Variants in COL25A1 observed in about 807,000 individuals in gnomAD.
COL25A1 encodes the protein collagen alpha-1(XXV) chain.
Under a neutral mutation model 128.4 loss-of-function variants are expected in COL25A1, and 103 were observed. The ratio of observed to expected loss-of-function variants is 0.80; its 90% confidence interval spans 0.68 to 0.94. The LOEUF (loss-of-function observed/expected upper bound fraction) is 0.94. Ranked by LOEUF, COL25A1 falls within the 40% of genes least tolerant of loss-of-function variation. The pLI, the probability that COL25A1 is intolerant of heterozygous loss-of-function variation, is 0.00. For synonymous variants in COL25A1, 279 were observed against 277.2 expected (o/e 1.01, Z -0.06); for missense variants, 745 against 840.0 (o/e 0.89, Z 1.40).
At chr4:108,863,234 C>T (rs1341902422) in intron 21 of COL25A1, 85 bp downstream of exon 21, 5 of 1,282,540 alleles carry the variant, frequency 3.9e-6, no homozygotes, top group Non-Finnish European at 5.6e-6. Context: ...GTTTTAATAC[C>T]TGTTAAGAAT....
Position 108,836,355 on chromosome 4 carries a change from A to G in COL25A1, c.1657-3922T>C, listed in dbSNP as rs1352021247. Among the ~76,000 whole-genome samples the G allele has an allele frequency of 3.9e-5, 6 of 152,142 alleles. No individual in the cohort carries two copies. The East Asian group carries it at 9.6e-4, about 24-fold the overall frequency. ...AGTTTAAATAAAATAGAAAATCCAAACTTTCTTTTGCCTTTTGATACCTTC... is the reference window on the plus strand; with the variant it reads ...AGTTTAAATAAAATAGAAAATCCAAGCTTTCTTTTGCCTTTTGATACCTTC... On this transcript the variant is annotated intron_variant, in intron 31 of 37. Coordinates refer to ENST00000399132, the MANE Select transcript of COL25A1 (RefSeq NM_198721.4).
chr4:109,065,545 C>CGCGCGCGCGCGT (rs771855567), intron 3 of COL25A1, among the ~76,000 whole-genome samples: 115 of 141,130 alleles, frequency 8.1e-4, no homozygotes, highest in African/African-American at 2.6e-3. Flanking sequence ...CGCGCGCGCG[C>CGCGCGCGCGCGT]GTGTGTGTGT....
rs536971937 is a variant in COL25A1, at chr4:109,175,428, T to G, written c.367+125155A>C. Reference sequence around the variant, plus strand: ...AACTAGTGTACATTAGCATAGGTTTTGAGGAATCTTGTTCCACTGAACCAC... The same window carrying G: ...AACTAGTGTACATTAGCATAGGTTTGGAGGAATCTTGTTCCACTGAACCAC... On this transcript the variant is annotated intron_variant, in intron 3 of 37. Coordinates refer to ENST00000399132, the MANE Select transcript of COL25A1 (RefSeq NM_198721.4). Among the ~76,000 whole-genome samples, 9 of 152,336 alleles carry G rather than the reference T, an allele frequency of 5.9e-5. No individual in the cohort carries two copies. The South Asian group carries it at 1.7e-3, about 28-fold the overall frequency.
intron 31 of COL25A1, among the ~76,000 whole-genome samples, chr4:108,833,231 C>T (rs1733376983): frequency 6.6e-6 from 1 of 152,158 alleles, no homozygotes; most frequent in Admixed American, 6.5e-5. Flanking sequence ...CTTCCTGCAG[C>T]TCTGTTGGGG....
chr4:109,262,594 T>C (rs1318076272), intron 3 of COL25A1, among the ~76,000 whole-genome samples: 1 of 152,130 alleles, frequency 6.6e-6, no homozygotes, highest in Admixed American at 6.5e-5. Context: ...AGCATTATAC[T>C]ATATGTTAAG....
chr4:109,158,343 A>T (rs1378866493), intron 3 of COL25A1, among the ~76,000 whole-genome samples: 1 of 152,070 alleles, frequency 6.6e-6, no homozygotes, highest in Non-Finnish European at 1.5e-5. Context: ...ACATTTTCCC[A>T]ACAATGCCTC....
intron 3 of COL25A1, among the ~76,000 whole-genome samples, chr4:109,225,251 T>C (rs1778727295): frequency 6.6e-6 from 1 of 152,132 alleles, no homozygotes; most frequent in Non-Finnish European, 1.5e-5. Context: ...AAAACTTACA[T>C]TCAGAATCTA....
At chr4:109,070,740 G>T (rs1441833769) in intron 3 of COL25A1, among the ~76,000 whole-genome samples, 1 of 133,270 alleles carries the variant, frequency 7.5e-6, no homozygotes, top group African/African-American at 2.9e-5. Flanking sequence ...CTATGTCCAA[G>T]TGTTCTCATT....
chr4:109,295,503 C>A (rs2126288853), intron 3 of COL25A1, among the ~76,000 whole-genome samples: 1 of 151,782 alleles, frequency 6.6e-6, no homozygotes, highest in Middle Eastern at 3.4e-3. Context: ...CTATGCTTTA[C>A]CTTACATAAT....
chr4:108,970,369 C>T (rs562249010), intron 8 of COL25A1, among the ~76,000 whole-genome samples: 8 of 152,256 alleles, frequency 5.3e-5, no homozygotes, highest in Non-Finnish European at 1.2e-4. Flanking sequence ...CTATATGACA[C>T]AATATTTTAC....
chr4:109,002,447 T>TA (rs1755540680), intron 6 of COL25A1, among the ~76,000 whole-genome samples: 2 of 152,178 alleles, frequency 1.3e-5, no homozygotes, highest in Admixed American at 1.3e-4. Flanking sequence ...CTAAGTGAAA[T>TA]AAACCAGACA....
At chr4:109,027,284 C>T (rs925528269) in intron 5 of COL25A1, among the ~76,000 whole-genome samples, 2 of 151,704 alleles carry the variant, frequency 1.3e-5, no homozygotes, top group African/African-American at 4.8e-5. Context: ...CATGGGGGGG[C>T]CTTGAATGGA....
chr4:108,888,818 A>G (rs530940198), intron 18 of COL25A1, among the ~76,000 whole-genome samples: 25 of 152,318 alleles, frequency 1.6e-4, no homozygotes, highest in African/African-American at 5.8e-4. Flanking sequence ...CTATTGAGAC[A>G]GTTTAATGAC....
At chr4:108,874,358 TC>T (rs1424842046) in intron 19 of COL25A1, among the ~76,000 whole-genome samples, 7 of 152,204 alleles carry the variant, frequency 4.6e-5, no homozygotes, top group Non-Finnish European at 8.8e-5. Flanking sequence ...TTGAAAATTA[TC>T]CACACGTATT....
At chr4:109,293,444 G>C (rs945802792) in intron 3 of COL25A1, among the ~76,000 whole-genome samples, 4 of 152,004 alleles carry the variant, frequency 2.6e-5, no homozygotes, top group African/African-American at 9.7e-5. Context: ...GCTACTTTTA[G>C]TTAGACAGAT....
intron 3 of COL25A1, among the ~76,000 whole-genome samples, chr4:109,214,382 A>G (rs2126201218): frequency 6.6e-6 from 1 of 152,222 alleles, no homozygotes; most frequent in African/African-American, 2.4e-5. Context: ...TATTTTATAT[A>G]CATGGTCTAT....
intron 35 of COL25A1, 196 bp downstream of exon 35, chr4:108,823,978 G>A: frequency 2.0e-6 from 3 of 1,518,232 alleles, no homozygotes; most frequent in South Asian, 2.7e-5. Context: ...TCTATGCCAG[G>A]CAGTGCCCTT....
At chr4:109,034,274 T>G (rs1192077689) in intron 5 of COL25A1, among the ~76,000 whole-genome samples, 1 of 152,194 alleles carries the variant, frequency 6.6e-6, no homozygotes, top group Non-Finnish European at 1.5e-5. Context: ...GCCTTGATAA[T>G]GAGGACACAA....
At chr4:109,108,134 C>T (rs1245516718) in intron 3 of COL25A1, among the ~76,000 whole-genome samples, 2 of 152,194 alleles carry the variant, frequency 1.3e-5, no homozygotes, top group Non-Finnish European at 2.9e-5. Context: ...CACCCACTAA[C>T]TCGTCATTTA....
Sources: gnomAD v4.1 joint callset for allele counts (sites outside exome capture counted in the v4.1 genomes callset) on GRCh38, gnomAD v4.1.1 for gene constraint, MANE v1.5 for transcripts, NCBI Gene and HGNC (gene_info 2026-07-23, HGNC 2026-07-21) for gene names.